KLHL29: variants seen among roughly 807,000 people sequenced by gnomAD.
KLHL29 encodes the protein kelch-like protein 29.
KLHL29 carries 21 observed loss-of-function variants against 80.4 expected under a neutral mutation model. The ratio of observed to expected loss-of-function variants is 0.26; its 90% CI spans 0.19 to 0.38. KLHL29 has a LOEUF of 0.38. Ranked by LOEUF, KLHL29 falls within the 10% of genes least tolerant of loss-of-function variation. KLHL29 has a pLI of 1.00. For synonymous variants in KLHL29, 511 were observed against 526.8 expected, an observed-to-expected ratio of 0.97 and a Z score of 0.41; for missense variants, 867 against 1,223.9, an observed-to-expected ratio of 0.71 and a Z score of 4.35.
chr2:23,463,995 T>G (rs1196629347), intron 1 of KLHL29, among the ~76,000 whole-genome samples: 1 of 152,208 alleles, frequency 6.6e-6, no homozygotes, highest in East Asian at 1.9e-4. Context: ...TGTTTTAAAT[T>G]TTTTTCAGAT....
chr2:23,583,967 G>A (rs1668052129), intron 3 of KLHL29, among the ~76,000 whole-genome samples: 2 of 152,220 alleles, frequency 1.3e-5, no homozygotes, highest in Admixed American at 1.3e-4. Flanking sequence ...GTTAAAGACT[G>A]TGCTTTGACT....
At chr2:23,435,918 T>TTA (rs1558337395) in intron 1 of KLHL29, among the ~76,000 whole-genome samples, 1 of 149,912 alleles carries the variant, frequency 6.7e-6, no homozygotes, top group African/African-American at 2.5e-5. Context: ...TTTTTTTTTT[T>TTA]AAAAAGGAAA....
At position 23,543,943 on chromosome 2, in the gene KLHL29, T is replaced by C. The variant is rs1877789; in HGVS notation, c.-45-18209T>C. Among the ~76,000 whole-genome samples the C allele has an allele frequency of 0.045, 6,842 of 152,254 alleles. 1,214 individuals carry two copies. The East Asian group carries it at 0.64, about 14-fold the overall frequency. ...TCTCCCAGGTCCACCAGGTGGACTC[T>C]CCAGGGCTCTGGGTCGGGGCTTGCT... On this transcript the variant is annotated intron_variant, in intron 2 of 13. Transcript: ENST00000486442.
At chr2:23,445,429 A>G (rs1380027288) in intron 1 of KLHL29, among the ~76,000 whole-genome samples, 1 of 152,164 alleles carries the variant, frequency 6.6e-6, no homozygotes, top group Non-Finnish European at 1.5e-5. Context: ...AAATCCCTCC[A>G]TACCAGCCCT....
chr2:23,418,612 G>C (rs562933631), intron 1 of KLHL29, among the ~76,000 whole-genome samples: 1 of 152,152 alleles, frequency 6.6e-6, no homozygotes, highest in Non-Finnish European at 1.5e-5. Context: ...ATTAGATTTA[G>C]CCCTGTGCTA....
Position 23,670,913 on chromosome 2 carries a change from A to ACGCGCGCGCG in KLHL29, c.941-13481_941-13480insGCGCGCGCGC, listed in dbSNP as rs796301580. Among the ~76,000 whole-genome samples, 35 of 15,420 alleles carry ACGCGCGCGCG rather than the reference A, an allele frequency of 2.3e-3. 2 individuals carry two copies. The highest frequency in any genetic ancestry group is 5.2e-3 in the Non-Finnish European group (26 of 4,982). 10.1% of individuals were successfully genotyped at this position (15,420 alleles called of 152,430 possible). ...AAGGGAGGGGTCTCTACACACATGC[A>ACGCGCGCGCG]CGCGCTCTCTCTCTCTCTCTCTCTC... On this transcript the variant is annotated intron_variant, in intron 5 of 13. Coordinates refer to ENST00000486442, the MANE Select transcript of KLHL29 (RefSeq NM_052920.2).
intron 1 of KLHL29, among the ~76,000 whole-genome samples, chr2:23,436,644 C>T (rs373980575): frequency 3.9e-5 from 6 of 152,298 alleles, no homozygotes; most frequent in South Asian, 4.1e-4. Flanking sequence ...GGAGCCCTGA[C>T]GATTCTGAGG....
intron 1 of KLHL29, among the ~76,000 whole-genome samples, chr2:23,469,938 A>G (rs1664450945): frequency 6.7e-6 from 1 of 150,078 alleles, no homozygotes. Flanking sequence ...GTGGGGGGAT[A>G]TGTGCCAGCA....
chr2:23,525,837 C>T (rs1666297664), intron 2 of KLHL29, among the ~76,000 whole-genome samples: 1 of 151,650 alleles, frequency 6.6e-6, no homozygotes, highest in African/African-American at 2.4e-5. Flanking sequence ...TATTCGGGCT[C>T]ATTCTAGGGA....
intron 2 of KLHL29, among the ~76,000 whole-genome samples, chr2:23,492,466 C>T (rs1665131512): frequency 6.6e-6 from 1 of 152,244 alleles, no homozygotes; most frequent in Admixed American, 6.5e-5. Flanking sequence ...ACCCTCCAGC[C>T]TCAGCTTATT....
chr2:23,527,349 G>A (rs548741677), intron 2 of KLHL29, among the ~76,000 whole-genome samples: 1 of 152,328 alleles, frequency 6.6e-6, no homozygotes, highest in South Asian at 2.1e-4. Flanking sequence ...TGGGGGCTGG[G>A]CAGCATTAGT....
rs1348345646 is a variant in KLHL29, at chr2:23,385,388, G to GCCAGCC, written c.-537_-532dup. ...CCGGAGCCCGAGCCGCGAGCCCGGAGCCAGCCCCAGCCCCGCGGCCGCCGC... is the reference window on the plus strand; with the variant it reads ...CCGGAGCCCGAGCCGCGAGCCCGGAGCCAGCCCCAGCCCCAGCCCCGCGGCCGCCGC... On this transcript the variant is annotated 5_prime_UTR_variant, in exon 1 of 14. Transcript: ENST00000486442. 6.8e-6 allele frequency: 1 copy of GCCAGCC among 147,976 alleles called. No individual in the cohort carries two copies. The highest frequency in any genetic ancestry group is 1.5e-5 in the Non-Finnish European group (1 of 65,770). 9.2% of individuals were successfully genotyped at this position (147,976 alleles called of 1,614,324 possible). A position where few individuals can be genotyped will look rare whatever the true frequency, so the allele number is the denominator to read the frequency against.
intron 1 of KLHL29, among the ~76,000 whole-genome samples, chr2:23,426,150 C>T (rs187918664): frequency 2.5e-4 from 38 of 152,176 alleles, no homozygotes; most frequent in African/African-American, 7.9e-4. Flanking sequence ...CTGTGGGAAG[C>T]GGGGAGGAGG....
intron 1 of KLHL29, among the ~76,000 whole-genome samples, chr2:23,395,274 A>G (rs892588811): frequency 6.6e-6 from 1 of 152,166 alleles, no homozygotes; most frequent in East Asian, 1.9e-4. Flanking sequence ...GCCGTGACCC[A>G]TGGGTCCACT....
chr2:23,601,396 C>A (rs943522888), intron 3 of KLHL29, among the ~76,000 whole-genome samples: 6 of 152,138 alleles, frequency 3.9e-5, no homozygotes, highest in Admixed American at 3.9e-4. Context: ...TTGTTAATGG[C>A]AGTTACAGGA....
intron 1 of KLHL29, among the ~76,000 whole-genome samples, chr2:23,437,891 T>C (rs1356711406): frequency 6.6e-6 from 1 of 152,216 alleles, no homozygotes; most frequent in Admixed American, 6.5e-5. Context: ...ATCTATAAAT[T>C]ACTTTGGGCA....
chr2:23,661,335 C>CT (rs1670400329), intron 5 of KLHL29, among the ~76,000 whole-genome samples: 1 of 96,344 alleles, frequency 1.0e-5, no homozygotes, highest in African/African-American at 3.0e-5. Flanking sequence ...GATCAAGACC[C>CT]TGTCTAAAAA....
chr2:23,411,183 T>C (rs1340243764), intron 1 of KLHL29, among the ~76,000 whole-genome samples: 1 of 152,080 alleles, frequency 6.6e-6, no homozygotes, highest in African/African-American at 2.4e-5. Flanking sequence ...TGTCCAAATC[T>C]CCTGTGAGGC....
chr2:23,589,732 G>A (rs1668209518), intron 3 of KLHL29, among the ~76,000 whole-genome samples: 1 of 152,230 alleles, frequency 6.6e-6, no homozygotes, highest in South Asian at 2.1e-4. Flanking sequence ...GTCCAACTCA[G>A]CAGCCATCTG....
Sources: allele counts gnomAD v4.1 joint callset (sites outside exome capture counted in the v4.1 genomes callset), GRCh38; gene constraint gnomAD v4.1.1; transcripts MANE v1.5; gene names NCBI Gene and HGNC (gene_info 2026-07-23, HGNC 2026-07-21).